The following ZCCHC14 variants were observed in gnomAD, a reference collection of about 807,000 sequenced individuals.
The protein encoded by ZCCHC14 is zinc finger CCHC domain-containing protein 14.
In ZCCHC14, 16 loss-of-function variants were observed where a neutral mutation model predicts 85.0. The observed-to-expected ratio is 0.19, with a 90% CI of 0.13 to 0.29. The LOEUF (loss-of-function observed/expected upper bound fraction) is 0.29. Among genes scored for constraint, ZCCHC14 ranks in the 10% least tolerant of loss-of-function variants. The probability of loss-of-function intolerance (pLI) is 1.00; values close to 1 mark genes in which losing one functional copy is unlikely to be tolerated. For missense variants in ZCCHC14, 1,303 were observed against 1,443.5 expected, an observed-to-expected ratio of 0.90 and a Z score of 1.58; for synonymous variants, 775 against 630.7, an observed-to-expected ratio of 1.23 and a Z score of -3.43.
At chr16:87,479,399 A>G (rs1004223023) in intron 1 of ZCCHC14, among the ~76,000 whole-genome samples, 5 of 149,866 alleles carry the variant, frequency 3.3e-5, no homozygotes, top group African/African-American at 1.3e-4. Context: ...CCTGGGTGAC[A>G]ACGCAAGACT....
At chr16:87,437,076 C>G (rs1402690083) in intron 2 of ZCCHC14, among the ~76,000 whole-genome samples, 2 of 152,064 alleles carry the variant, frequency 1.3e-5, no homozygotes, top group East Asian at 3.9e-4. Flanking sequence ...GGAGCTCACA[C>G]CTGTAATCCC....
Position 87,467,503 on chromosome 16 carries a change from A to T in ZCCHC14, c.571-7372T>A. 2.5e-6 allele frequency: 4 copies of T among 1,606,494 alleles called. No homozygotes were observed. In the East Asian group the frequency reaches 8.9e-5, roughly 36 times the overall value. On this transcript the variant is annotated intron_variant, in intron 1 of 12. Transcript: ENST00000671377. The stretch of plus-strand genomic sequence containing the variant: ...GGACAGATGTACCACTATGACATGA[A>T]TACAGCATCCCTTTCTCAACAGTAG...
At chr16:87,442,100 C>G (rs1359601106) in intron 2 of ZCCHC14, among the ~76,000 whole-genome samples, 3 of 152,248 alleles carry the variant, frequency 2.0e-5, no homozygotes, top group Non-Finnish European at 2.9e-5. Context: ...GGGAAGATTT[C>G]AGGGAAGCAA....
rs1908253686 is a variant in ZCCHC14, at chr16:87,407,460, C to T, written c.*2820G>A. On this transcript the variant is annotated 3_prime_UTR_variant, in exon 13 of 13. Coordinates refer to ENST00000671377, the MANE Select transcript of ZCCHC14 (RefSeq NM_015144.3). ...AAACACTTCCAACTGTCAGTATTACCATGAAATCAACATTAGAAAATAAGG... is the reference window on the plus strand; with the variant it reads ...AAACACTTCCAACTGTCAGTATTACTATGAAATCAACATTAGAAAATAAGG... 1.3e-5 allele frequency: 2 copies of T among 152,158 alleles called. No individual in the cohort carries two copies. The highest frequency in any genetic ancestry group is 4.1e-4 in the South Asian group (2 of 4,826). The allele number at this position is 152,158 out of a possible 1,614,324, so 9.4% of individuals were successfully genotyped here.
At chr16:87,437,257 C>T (rs1007152505) in intron 2 of ZCCHC14, among the ~76,000 whole-genome samples, 7 of 146,016 alleles carry the variant, frequency 4.8e-5, no homozygotes, top group Non-Finnish European at 8.9e-5. Flanking sequence ...AATCACTTGA[C>T]CCCAGGAGGC....
intron 2 of ZCCHC14, among the ~76,000 whole-genome samples, chr16:87,458,795 A>G (rs1597437217): frequency 6.6e-6 from 1 of 152,176 alleles, no homozygotes; most frequent in African/African-American, 2.4e-5. Flanking sequence ...ACATCTTTGT[A>G]AATAACACAG....
chr16:87,409,845 T>G lies in ZCCHC14; in HGVS notation c.*435A>C, dbSNP rs1488933763. Reference sequence around the variant, plus strand: ...ACTTTAGGAACAGAACAAAACAAAGTCGACATTTTCCCTAGCCCAGGGGTG... The same window carrying G: ...ACTTTAGGAACAGAACAAAACAAAGGCGACATTTTCCCTAGCCCAGGGGTG... On this transcript the variant is annotated 3_prime_UTR_variant, in exon 13 of 13. Coordinates refer to ENST00000671377, the MANE Select transcript of ZCCHC14 (RefSeq NM_015144.3). 1 of 156,356 alleles carries G rather than the reference T, an allele frequency of 6.4e-6. No individual in the cohort carries two copies. The highest frequency in any genetic ancestry group is 1.4e-5 in the Non-Finnish European group (1 of 70,624). The allele number at this position is 156,356 out of a possible 1,614,324, so 9.7% of individuals were successfully genotyped here.
intron 1 of ZCCHC14, among the ~76,000 whole-genome samples, chr16:87,487,035 T>C (rs557410452): frequency 1.3e-4 from 20 of 152,364 alleles, no homozygotes; most frequent in Non-Finnish European, 2.8e-4. Context: ...AACTATCCCA[T>C]GTTTCACCTC....
intron 1 of ZCCHC14, among the ~76,000 whole-genome samples, chr16:87,478,603 A>G (rs527950787): frequency 7.1e-6 from 1 of 140,824 alleles, no homozygotes; most frequent in East Asian, 2.1e-4. Flanking sequence ...TATCTCATTA[A>G]TTTTACTAAT....
rs1908256902 is a variant in ZCCHC14 at position 87,407,522 on chromosome 16, GATTA to G, written c.*2754_*2757del. The G allele has an allele frequency of 6.6e-6, 1 of 152,108 alleles. No homozygotes were observed. Among genetic ancestry groups the G allele is most frequent in the African/African-American group, 2.4e-5 (1 of 41,418 alleles). 9.4% of individuals were successfully genotyped at this position (152,108 alleles called of 1,614,324 possible). A position where few individuals can be genotyped will look rare whatever the true frequency, so the allele number is the denominator to read the frequency against. ...GTGTTTTGCTTAAAAAATAAAAAAG[GATTA>G]AATAGCTGTTGTATCCAAACATCAC... On this transcript the variant is annotated 3_prime_UTR_variant, in exon 13 of 13. Transcript: ENST00000671377.
intron 1 of ZCCHC14, among the ~76,000 whole-genome samples, chr16:87,466,509 A>G (rs569345426): frequency 6.6e-6 from 1 of 152,354 alleles, no homozygotes; most frequent in East Asian, 1.9e-4. Context: ...ACACCTACTG[A>G]GCCCTTCTAA....
chr16:87,419,197 C>T (rs1431731869), intron 6 of ZCCHC14, among the ~76,000 whole-genome samples: 4 of 151,388 alleles, frequency 2.6e-5, no homozygotes, highest in Non-Finnish European at 4.4e-5. Context: ...GGGGCAATCT[C>T]GGCTCACTGC....
At chr16:87,477,141 ACAAAACAAAAC>A (rs1912051457) in intron 1 of ZCCHC14, among the ~76,000 whole-genome samples, 4 of 96,816 alleles carry the variant, frequency 4.1e-5, no homozygotes, top group African/African-American at 1.3e-4. Flanking sequence ...AAAAAAAAAA[ACAAAACAAAAC>A]CAAAAAAAAA....
intron 1 of ZCCHC14, among the ~76,000 whole-genome samples, chr16:87,474,820 T>C (rs147149274): frequency 5.3e-4 from 80 of 152,334 alleles, no homozygotes; most frequent in African/African-American, 1.9e-3. Context: ...ACATCAACTC[T>C]GTGTGAGCCC....
intron 2 of ZCCHC14, among the ~76,000 whole-genome samples, chr16:87,456,266 C>G (rs1311864520): frequency 6.6e-6 from 1 of 152,142 alleles, no homozygotes; most frequent in Admixed American, 6.5e-5. Flanking sequence ...CGCAGTGGCT[C>G]ACGCCTGTAA....
intron 1 of ZCCHC14, among the ~76,000 whole-genome samples, chr16:87,489,918 T>C (rs1205359144): frequency 1.3e-5 from 2 of 151,860 alleles, no homozygotes; most frequent in Admixed American, 1.3e-4. Flanking sequence ...TAGAAATTAT[T>C]AGTGGGTGGA....
At chr16:87,478,015 A>C (rs1470568211) in intron 1 of ZCCHC14, among the ~76,000 whole-genome samples, 1 of 152,018 alleles carries the variant, frequency 6.6e-6, no homozygotes, top group Non-Finnish European at 1.5e-5. Context: ...ATACGCCCCC[A>C]CGCATCGCTC....
chr16:87,488,068 A>C (rs898175393), intron 1 of ZCCHC14, among the ~76,000 whole-genome samples: 1 of 152,194 alleles, frequency 6.6e-6, no homozygotes, highest in African/African-American at 2.4e-5. Flanking sequence ...CAGCTATATG[A>C]CTATACTAAA....
chr16:87,415,172 G>C (rs1320509185), intron 9 of ZCCHC14, 104 bp downstream of exon 9: 10 of 881,340 alleles, frequency 1.1e-5, no homozygotes, highest in Non-Finnish European at 1.9e-5. Context: ...TAAGCAACAG[G>C]AACTAATCCA....
Sources: allele counts gnomAD v4.1 joint callset (sites outside exome capture counted in the v4.1 genomes callset), GRCh38; gene constraint gnomAD v4.1.1; transcripts MANE v1.5; gene names NCBI Gene and HGNC (gene_info 2026-07-23, HGNC 2026-07-21).